DAB1: variants seen among roughly 807,000 people sequenced by gnomAD.
The protein encoded by DAB1 is DAB adaptor protein 1.
Under a neutral mutation model 64.6 loss-of-function variants are expected in DAB1, and 15 were observed. That is an observed-to-expected ratio of 0.23 (90% CI 0.16 to 0.36). The LOEUF (loss-of-function observed/expected upper bound fraction) is 0.36. Among genes scored for constraint, DAB1 ranks in the 10% least tolerant of loss-of-function variants. The probability of loss-of-function intolerance (pLI) is 1.00; values close to 1 mark genes in which losing one functional copy is unlikely to be tolerated. For missense variants in DAB1, 596 were observed against 706.7 expected (o/e 0.84, Z 1.78); for synonymous variants, 235 against 251.9 (o/e 0.93, Z 0.64).
At chr1:57,311,029 G>A (rs140447560) in intron 1 of DAB1, among the ~76,000 whole-genome samples, 123 of 151,732 alleles carry the variant, frequency 8.1e-4, no homozygotes, top group African/African-American at 2.9e-3. Flanking sequence ...TAGACAGACA[G>A]ATAGACAGCC....
At chr1:57,716,926 A>G (rs1178133265) in intron 6 of DAB1, among the ~76,000 whole-genome samples, 1 of 152,072 alleles carries the variant, frequency 6.6e-6, no homozygotes, top group Non-Finnish European at 1.5e-5. Context: ...AAAAGACTTA[A>G]ATAGACATTT....
At chr1:58,417,885 A>G (rs1644735788) in intron 3 of DAB1, among the ~76,000 whole-genome samples, 1 of 152,124 alleles carries the variant, frequency 6.6e-6, no homozygotes, top group Non-Finnish European at 1.5e-5. Context: ...TCAACTATAA[A>G]ATGAGAGAAG....
chr1:57,210,377 GA>G (rs1665907647), intron 2 of DAB1, among the ~76,000 whole-genome samples: 1 of 152,138 alleles, frequency 6.6e-6, no homozygotes, highest in African/African-American at 2.4e-5. Flanking sequence ...ATGTTCTGCT[GA>G]AAAATGATGA....
intron 1 of DAB1, among the ~76,000 whole-genome samples, chr1:57,316,108 T>A (rs267639): frequency 0.078 from 11,815 of 152,274 alleles, 610 homozygotes; most frequent in South Asian, 0.16. Flanking sequence ...ACCAGTGCTG[T>A]GTCTACATTA....
intron 4 of DAB1, among the ~76,000 whole-genome samples, chr1:58,164,171 ACT>A (rs1475714737): frequency 3.4e-5 from 5 of 148,778 alleles, no homozygotes; most frequent in Non-Finnish European, 1.5e-5. Context: ...CTACTAAACA[ACT>A]CAAGAGAGCT....
In DAB1 at chr1:58,135,904, TG is replaced by T. The variant is rs201001015; in HGVS notation, n.387+14606del. ...GAATCCTGGGTTTCAATCCTAGGTC[TG>T]CCACCAACTCCCTCTGTAGCCCTGG... is the stretch of plus-strand genomic sequence containing the variant. On this transcript the variant is annotated intron_variant and non_coding_transcript_variant, in intron 5 of 20. Transcript: ENST00000485760. 9.5e-3 allele frequency among the ~76,000 whole-genome samples: 1,441 copies of T among 152,202 alleles called. 22 individuals carry two copies. The highest frequency in any genetic ancestry group is 0.033 in the African/African-American group (1,388 of 41,526).
intron 7 of DAB1, among the ~76,000 whole-genome samples, chr1:57,458,086 T>A (rs770971322): frequency 2.4e-4 from 36 of 152,224 alleles, no homozygotes; most frequent in South Asian, 6.2e-4. Context: ...TATTTTGGTG[T>A]TTGTGTGTGT....
intron 3 of DAB1, among the ~76,000 whole-genome samples, chr1:58,463,036 A>C (rs1020080636): frequency 2.0e-5 from 3 of 152,240 alleles, no homozygotes; most frequent in African/African-American, 4.8e-5. Context: ...TTCATAAGCA[A>C]TGTCATACTC....
At chr1:57,667,499 C>T (rs1292703399) in intron 6 of DAB1, among the ~76,000 whole-genome samples, 1 of 152,088 alleles carries the variant, frequency 6.6e-6, no homozygotes, top group Non-Finnish European at 1.5e-5. Flanking sequence ...TTCAGCAGAG[C>T]AGTCATTTTC....
At chr1:57,521,175 T>A (rs778798305) in intron 7 of DAB1, among the ~76,000 whole-genome samples, 66 of 152,156 alleles carry the variant, frequency 4.3e-4, no homozygotes, top group Non-Finnish European at 8.1e-4. Flanking sequence ...CAGATCTGTA[T>A]CACCTAGAGC....
intron 5 of DAB1, among the ~76,000 whole-genome samples, chr1:58,072,090 G>GGC (rs1266913356): frequency 1.6e-5 from 2 of 125,036 alleles, no homozygotes; most frequent in African/African-American, 2.9e-5. Context: ...TGGGGTGGGG[G>GGC]GGGGTGGGTA....
At chr1:57,194,069 G>C (rs550407973) in intron 2 of DAB1, among the ~76,000 whole-genome samples, 1 of 152,328 alleles carries the variant, frequency 6.6e-6, no homozygotes, top group East Asian at 1.9e-4. Context: ...CAATATCTGG[G>C]AACAAGAGCA....
chr1:57,258,406 C>A (rs552709670), intron 2 of DAB1, among the ~76,000 whole-genome samples: 1 of 152,198 alleles, frequency 6.6e-6, no homozygotes, highest in East Asian at 1.9e-4. Context: ...GTTTTCCACC[C>A]CAACCATTTC....
At chr1:57,176,452 C>A (rs925310358) in intron 2 of DAB1, among the ~76,000 whole-genome samples, 3 of 152,040 alleles carry the variant, frequency 2.0e-5, no homozygotes, top group Non-Finnish European at 4.4e-5. Context: ...AAGACCCGCC[C>A]CCCACAATTC....
intron 6 of DAB1, among the ~76,000 whole-genome samples, chr1:57,801,656 AT>A (rs908552994): frequency 1.6e-4 from 24 of 150,788 alleles, no homozygotes; most frequent in African/African-American, 5.1e-4. Flanking sequence ...GAATTTTTTT[AT>A]TTTTTTTTAT....
At chr1:57,454,792 C>T (rs1249506484) in intron 7 of DAB1, among the ~76,000 whole-genome samples, 1 of 152,088 alleles carries the variant, frequency 6.6e-6, no homozygotes, top group African/African-American at 2.4e-5. Flanking sequence ...ACCTTTCACT[C>T]GCTTAACAGA....
At chr1:57,609,952 C>T (rs1032643954) in intron 7 of DAB1, among the ~76,000 whole-genome samples, 5 of 152,120 alleles carry the variant, frequency 3.3e-5, no homozygotes, top group South Asian at 4.1e-4. Context: ...GAAGTTAGCA[C>T]TATTTGGAAA....
At chr1:57,546,106 C>CGCAT (rs1296062515) in intron 7 of DAB1, among the ~76,000 whole-genome samples, 5 of 147,556 alleles carry the variant, frequency 3.4e-5, no homozygotes, top group African/African-American at 1.3e-4. Flanking sequence ...TGTGCGCGCA[C>CGCAT]GTGTGCATGT....
chr1:58,321,555 C>A (rs1662683495), intron 4 of DAB1, among the ~76,000 whole-genome samples: 1 of 152,220 alleles, frequency 6.6e-6, no homozygotes. Flanking sequence ...GACACTCCTG[C>A]CCAAATACTG....
Sources: allele counts gnomAD v4.1 joint callset (sites outside exome capture counted in the v4.1 genomes callset), GRCh38; gene constraint gnomAD v4.1.1; transcripts MANE v1.5; gene names NCBI Gene and HGNC (gene_info 2026-07-23, HGNC 2026-07-21).